Variants in KLK12 observed in about 807,000 individuals in gnomAD.
KLK12 encodes the protein kallikrein related peptidase 12.
KLK12 carries 23 observed loss-of-function variants against 20.0 expected under a neutral mutation model. That is an observed-to-expected ratio of 1.15 (90% CI 0.83 to 1.63). The LOEUF (loss-of-function observed/expected upper bound fraction) is 1.63. KLK12 is among the 40% of genes most tolerant of loss of function. KLK12 has a pLI of 0.00. For missense variants in KLK12, 351 were observed against 338.6 expected (o/e 1.04, Z -0.29); for synonymous variants, 147 against 141.9 (o/e 1.04, Z -0.25).
intron 3 of KLK12, among the ~76,000 whole-genome samples, chr19:51,032,381 CTT>C (rs869282785): frequency 3.5e-4 from 40 of 115,272 alleles, no homozygotes; most frequent in East Asian, 7.4e-4. Context: ...TCTCTCTCTC[CTT>C]TTTTTTTTTT....
chr19:51,031,741 C>T (rs1485597355), intron 4 of KLK12, 135 bp downstream of exon 4: 4 of 1,043,320 alleles, frequency 3.8e-6, no homozygotes, highest in Non-Finnish European at 5.9e-6. Context: ...GACCCCAAAC[C>T]ATGATCCTGA....
At chr19:51,034,528 T>TG (rs1200943080) in intron 2 of KLK12, 57 bp downstream of exon 2, 1 of 1,589,374 alleles carries the variant, frequency 6.3e-7, no homozygotes, top group Non-Finnish European at 8.6e-7. Flanking sequence ...GGCCTCCTCA[T>TG]GGGGGTGAAG....
rs759708663 is a variant in KLK12 at position 51,033,987 on chromosome 19, T to C, written c.190A>G (p.Ser64Gly). The stretch of plus-strand genomic sequence containing the variant: ...CCCCAGGAAGGGACTTACCTGCCGC[T>C]GCAGTGAGCCGCTGTGAGGACCCAC... ...HRWVLTAAHC[S>G]GSRYWVRLGE... The change falls in exon 3 of 6, where the codon AGC becomes GGC. Residue 64 changes from serine (S) to glycine (G), a missense_variant. By Grantham distance (56) the Ser-to-Gly change is moderately conservative. Transcript: ENST00000684732. 2 of 1,611,692 alleles carry C rather than the reference T, an allele frequency of 1.2e-6. No individual in the cohort carries two copies. Among genetic ancestry groups the C allele is most frequent in the Non-Finnish European group, 1.7e-6 (2 of 1,179,426 alleles).
At chr19:51,029,641 C>CT (rs955155258) in intron 5 of KLK12, among the ~76,000 whole-genome samples, 184 bp from the exon 6 acceptor site, 18 of 152,252 alleles carry the variant, frequency 1.2e-4, no homozygotes, top group Admixed American at 1.2e-3. Flanking sequence ...ACCACTGTCT[C>CT]TAGGGGCCAA....
In KLK12 at chr19:51,030,649, C is replaced by T. The variant is rs2091546765; in HGVS notation, c.591+139G>A. 2.4e-6 allele frequency: 3 copies of T among 1,253,054 alleles called. No individual in the cohort carries two copies. The Admixed American group carries it at 5.1e-5, about 21-fold the overall frequency. 77.6% of individuals were successfully genotyped at this position (1,253,054 alleles called of 1,614,324 possible). ...ACAGGTGTGAGCCTCCGTAACCAGC[C>T]TCTCCCTTCCTTTTTGACCCCGTCT... On this transcript the variant is annotated intron_variant, in intron 5 of 5. Coordinates refer to ENST00000684732, the MANE Select transcript of KLK12 (RefSeq NM_001370125.1).
intron 5 of KLK12, 74 bp downstream of exon 5, chr19:51,030,714 T>G: frequency 6.3e-7 from 1 of 1,586,026 alleles, no homozygotes; most frequent in Non-Finnish European, 8.6e-7. Flanking sequence ...CCTCCATCAG[T>G]TCCCCTCCTG....
intron 3 of KLK12, among the ~76,000 whole-genome samples, chr19:51,032,382 T>G (rs1032279284): frequency 1.1e-5 from 1 of 90,698 alleles, no homozygotes; most frequent in Non-Finnish European, 2.3e-5. Flanking sequence ...CTCTCTCTCC[T>G]TTTTTTTTTT....
intron 3 of KLK12, among the ~76,000 whole-genome samples, chr19:51,032,381 CTTTT>C (rs869282785): frequency 6.1e-5 from 7 of 115,286 alleles, no homozygotes; most frequent in African/African-American, 1.1e-4. Flanking sequence ...TCTCTCTCTC[CTTTT>C]TTTTTTTTTT....
At chr19:51,034,170 G>C in intron 2 of KLK12, 31 bp from the exon 3 acceptor site, 1 of 1,550,852 alleles carries the variant, frequency 6.4e-7, no homozygotes, top group Non-Finnish European at 8.7e-7. Context: ...GGGTCAGAGA[G>C]AGGAAGAAAA....
Position 51,029,467 on chromosome 19 carries a change from A to G in KLK12, c.592-10T>C. On this transcript the variant is annotated splice_polypyrimidine_tract_variant and intron_variant, in intron 5 of 5. Coordinates refer to ENST00000684732, the MANE Select transcript of KLK12 (RefSeq NM_001370125.1). ...GGCCCCCAGAATCACCCTGGAAGGG[A>G]AGAGAAGTACTGTCTGAACAAGGGA... 1 of 1,601,126 alleles carries G rather than the reference A, an allele frequency of 6.2e-7. No homozygotes were observed. Among genetic ancestry groups the G allele is most frequent in the Non-Finnish European group, 8.6e-7 (1 of 1,168,198 alleles).
intron 3 of KLK12, among the ~76,000 whole-genome samples, chr19:51,033,432 A>G (rs1443152207): frequency 1.3e-5 from 2 of 151,966 alleles, no homozygotes; most frequent in Admixed American, 1.3e-4. Context: ...CCTGGCCAAC[A>G]TGGCAAAACC....
rs772403570 is a variant in KLK12, at chr19:51,030,769, G to C, written c.591+19C>G. 6.2e-7 allele frequency: 1 copy of C among 1,612,464 alleles called. No individual in the cohort carries two copies. The highest frequency in any genetic ancestry group is 1.7e-5 in the Admixed American group (1 of 59,994). On this transcript the variant is annotated intron_variant, in intron 5 of 5. Coordinates refer to ENST00000684732, the MANE Select transcript of KLK12 (RefSeq NM_001370125.1). ...ACTTCCTGTCCTGGTGACCACGCACGCTGCCTGCACTGGCTCACCTGGCAG... is the reference window on the plus strand; with the variant it reads ...ACTTCCTGTCCTGGTGACCACGCACCCTGCCTGCACTGGCTCACCTGGCAG...
At chr19:51,029,946 G>A (rs1048993576) in intron 5 of KLK12, 2 of 177,036 alleles carry the variant, frequency 1.1e-5, no homozygotes, top group Non-Finnish European at 1.2e-5. Context: ...TGAGGGGAGA[G>A]AGTGCCATCA....
intron 5 of KLK12, 73 bp from the exon 6 acceptor site, chr19:51,029,530 C>A: frequency 7.8e-7 from 1 of 1,290,148 alleles, no homozygotes; most frequent in Non-Finnish European, 1.1e-6. Context: ...ACCCTTCAAC[C>A]CAGTCCTGGG....
chr19:51,030,644 C>G, intron 5 of KLK12, 144 bp downstream of exon 5: 1 of 1,222,444 alleles, frequency 8.2e-7, no homozygotes, highest in Non-Finnish European at 1.2e-6. Flanking sequence ...GCCTCCGTAA[C>G]CAGCCTCTCC....
intron 1 of KLK12, 67 bp downstream of exon 1, chr19:51,034,739 T>C (rs2091595329): frequency 1.9e-6 from 3 of 1,539,902 alleles, no homozygotes. Context: ...GATGACCTGC[T>C]TGTCCTCTCT....
Position 51,032,058 on chromosome 19 carries a change from G to A in KLK12, c.275C>T (p.Ser92Phe). 6.2e-7 allele frequency: 1 copy of A among 1,604,526 alleles called. No homozygotes were observed. Among genetic ancestry groups the A allele is most frequent in the Non-Finnish European group, 8.5e-7 (1 of 1,177,476 alleles). Residue 92 changes from serine (S) to phenylalanine (F), a missense_variant, in exon 4 of 6, where the codon TCT becomes TTT. Physicochemically the swap from Ser to Phe is radical, Grantham distance 155 (BLOSUM62 -2). Transcript: ENST00000684732. The part of the protein sequence containing the change: ...WTEQIRHSGF[S>F]VTHPGYLGAS... ...TCCCAGGTAGCCGGGATGGGTCACA[G>A]AGAAGCCGCTGTGCCGGATCTGCTC...
At chr19:51,031,048 C>T in intron 4 of KLK12, 127 bp from the exon 5 acceptor site, 3 of 1,030,104 alleles carry the variant, frequency 2.9e-6, no homozygotes, top group Non-Finnish European at 4.6e-6. Context: ...ACTACAATCC[C>T]GAAACCTCCA....
chr19:51,033,697 G>A (rs1156361716), intron 3 of KLK12, among the ~76,000 whole-genome samples: 1 of 152,160 alleles, frequency 6.6e-6, no homozygotes, highest in Non-Finnish European at 1.5e-5. Flanking sequence ...GAATGGCTGG[G>A]GTGAGTGGCA....
Sources: allele counts gnomAD v4.1 joint callset (sites outside exome capture counted in the v4.1 genomes callset), GRCh38; gene constraint gnomAD v4.1.1; transcripts MANE v1.5; gene names NCBI Gene and HGNC (gene_info 2026-07-23, HGNC 2026-07-21).